SYNRG: variants seen among roughly 807,000 people sequenced by gnomAD.
SYNRG encodes AP1 gamma subunit binding protein 1.
Under a neutral mutation model 130.9 loss-of-function variants are expected in SYNRG, and 37 were observed. The ratio of observed to expected loss-of-function variants is 0.28; its 90% CI spans 0.22 to 0.37. The LOEUF (loss-of-function observed/expected upper bound fraction) is 0.37. SYNRG is among the 10% of genes least tolerant of loss of function. SYNRG has a pLI of 1.00. For synonymous variants in SYNRG, 539 were observed against 568.1 expected (o/e 0.95, Z 0.73); for missense variants, 1,338 against 1,588.9 (o/e 0.84, Z 2.68).
intron 13 of SYNRG, among the ~76,000 whole-genome samples, chr17:37,554,296 T>G (rs749962127): frequency 6.6e-6 from 1 of 152,186 alleles, no homozygotes; most frequent in African/African-American, 2.4e-5. Flanking sequence ...CCATTTTCAT[T>G]TGCTCATGCT....
intron 3 of SYNRG, among the ~76,000 whole-genome samples, chr17:37,587,259 G>A (rs557465387): frequency 1.4e-4 from 22 of 152,214 alleles, no homozygotes; most frequent in Admixed American, 7.2e-4. Context: ...AGATCCTCCC[G>A]CCTCAGCCCC....
intron 6 of SYNRG, among the ~76,000 whole-genome samples, chr17:37,581,160 T>C (rs949284129): frequency 3.3e-5 from 5 of 152,218 alleles, no homozygotes. Flanking sequence ...CTTTTTATTG[T>C]TAAATGTAAA....
At chr17:37,561,865 T>C (rs2059559492) in intron 11 of SYNRG, among the ~76,000 whole-genome samples, 1 of 151,522 alleles carries the variant, frequency 6.6e-6, no homozygotes, top group Non-Finnish European at 1.5e-5. Flanking sequence ...TGTCTAACCA[T>C]CTCTTTAAGC....
At position 37,516,148 on chromosome 17, in the gene SYNRG, G is replaced by C. The variant is rs761215947; in HGVS notation, c.*2792C>G. On this transcript the variant is annotated 3_prime_UTR_variant, in exon 22 of 22. Coordinates refer to ENST00000612223, the MANE Select transcript of SYNRG (RefSeq NM_007247.6). Reference sequence around the variant, plus strand: ...TTATTAATGGCCATTCAAGCAGTGGGGTGAAGCGGGCTGACACAATGCACA... The same window carrying C: ...TTATTAATGGCCATTCAAGCAGTGGCGTGAAGCGGGCTGACACAATGCACA... 1 of 152,188 alleles carries C rather than the reference G, an allele frequency of 6.6e-6. No individual in the cohort carries two copies. Among genetic ancestry groups the C allele is most frequent in the Non-Finnish European group, 1.5e-5 (1 of 68,044 alleles). 9.4% of individuals were successfully genotyped at this position (152,188 alleles called of 1,614,324 possible). A position where few individuals can be genotyped will look rare whatever the true frequency, so the allele number is the denominator to read the frequency against.
chr17:37,539,046 A>G (rs990528031), intron 17 of SYNRG, 146 bp downstream of exon 17: 5 of 1,455,614 alleles, frequency 3.4e-6, no homozygotes, highest in Non-Finnish European at 4.5e-6. Flanking sequence ...CCTTAGATGC[A>G]TGACTTCCAC....
chr17:37,525,204 C>T (rs2055684008), intron 19 of SYNRG, among the ~76,000 whole-genome samples: 2 of 152,158 alleles, frequency 1.3e-5, no homozygotes, highest in Admixed American at 1.3e-4. Flanking sequence ...GGTATGCCCT[C>T]TACAAGTCAC....
chr17:37,571,997 G>GA lies in SYNRG; in HGVS notation c.902-11dup. 1 of 1,600,916 alleles carries GA rather than the reference G, an allele frequency of 6.2e-7. No homozygotes were observed. The highest frequency in any genetic ancestry group is 2.2e-5 in the East Asian group (1 of 44,800). Reference sequence around the variant, plus strand: ...ATTTTCTTATAGGCATCTATTAAAGGAAAGACCAGATTACAAATGGAAACA... The same window carrying GA: ...ATTTTCTTATAGGCATCTATTAAAGGAAAAGACCAGATTACAAATGGAAACA... On this transcript the variant is annotated splice_polypyrimidine_tract_variant and intron_variant, in intron 8 of 21. Transcript: ENST00000612223.
At chr17:37,535,844 C>G in intron 19 of SYNRG, 135 bp downstream of exon 19, 1 of 1,198,964 alleles carries the variant, frequency 8.3e-7, no homozygotes, top group African/African-American at 1.5e-5. Context: ...CACCTGTGAT[C>G]TCCCTCCTTT....
intron 3 of SYNRG, among the ~76,000 whole-genome samples, chr17:37,593,997 T>G (rs936138312): frequency 6.6e-6 from 1 of 151,978 alleles, no homozygotes; most frequent in African/African-American, 2.4e-5. Context: ...TACACAAGCT[T>G]CTGATATTCA....
At chr17:37,575,339 C>G (rs906649107) in intron 8 of SYNRG, among the ~76,000 whole-genome samples, 4 of 151,962 alleles carry the variant, frequency 2.6e-5, no homozygotes, top group Non-Finnish European at 4.4e-5. Flanking sequence ...GTAATACATG[C>G]TTGAGGTAAT....
Position 37,561,603 on chromosome 17 carries a change from T to C in SYNRG, c.1482-14A>G, listed in dbSNP as rs761495426. 2.9e-5 allele frequency: 46 copies of C among 1,588,906 alleles called. No individual in the cohort carries two copies. The highest frequency in any genetic ancestry group is 3.9e-5 in the Non-Finnish European group (45 of 1,157,640). ...AAAGAAGGGGCACTGAAGGAAAAAA[T>C]AAACATATTTTGATGACATTGAATC... On this transcript the variant is annotated splice_polypyrimidine_tract_variant and intron_variant, in intron 11 of 21. Coordinates refer to ENST00000612223, the MANE Select transcript of SYNRG (RefSeq NM_007247.6).
At position 37,609,396 on chromosome 17, in the gene SYNRG, A is replaced by C. The variant is rs904894406; in HGVS notation, c.-41T>G. ...CCGCTGCCTTCGCCGCCGCCACCTT[A>C]TCAGCAGCTGTCAGCTGAACACAGC... On this transcript the variant is annotated 5_prime_UTR_variant, in exon 1 of 22. Transcript: ENST00000612223. 2.9e-6 allele frequency: 4 copies of C among 1,390,792 alleles called. No individual in the cohort carries two copies. Among genetic ancestry groups the C allele is most frequent in the Admixed American group, 3.5e-5 (1 of 28,842 alleles). The allele number at this position is 1,390,792 out of a possible 1,614,324, so 86.2% of individuals were successfully genotyped here.
chr17:37,596,390 A>AT lies in SYNRG; in HGVS notation c.119-47dup, dbSNP rs758277348. On this transcript the variant is annotated intron_variant, in intron 2 of 21. Transcript: ENST00000612223. ...TTAAAGTCAATGTGTTTTAAAGTTT[A>AT]TTTTCTTAAAACCATAAGTACCTAA... is the stretch of plus-strand genomic sequence containing the variant. 1.1e-5 allele frequency: 17 copies of AT among 1,603,918 alleles called. No homozygotes were observed. The South Asian group carries it at 1.3e-4, about 13-fold the overall frequency.
chr17:37,529,453 TTA>T (rs2144251097), intron 19 of SYNRG, among the ~76,000 whole-genome samples: 1 of 150,984 alleles, frequency 6.6e-6, no homozygotes. Flanking sequence ...GAGGCATGGG[TTA>T]TATGAGGGTA....
At chr17:37,579,698 T>C (rs757093350) in intron 6 of SYNRG, among the ~76,000 whole-genome samples, 2 of 152,142 alleles carry the variant, frequency 1.3e-5, no homozygotes, top group Non-Finnish European at 2.9e-5. Flanking sequence ...AAACTAAAAA[T>C]ACATGTATCT....
Position 37,518,955 on chromosome 17 carries a change from C to T in SYNRG, c.3930G>A (p.Leu1310=). ...CVEPKPPGLV[L]PDLL is the part of the protein sequence containing the mutation. ...GAGGAGTTGTTCAGAGCAGGTCAGG[C>T]AGGACGAGGCCAGGAGGCTTTGGTT... The change falls in exon 22 of 22, where the codon CTG becomes CTA. Residue 1310 remains leucine, a synonymous_variant. Coordinates refer to ENST00000612223, the MANE Select transcript of SYNRG (RefSeq NM_007247.6). 6.2e-7 allele frequency: 1 copy of T among 1,613,972 alleles called. No homozygotes were observed. The highest frequency in any genetic ancestry group is 8.5e-7 in the Non-Finnish European group (1 of 1,179,950).
In SYNRG at chr17:37,577,645, A is replaced by G. The variant is rs764536698; in HGVS notation, c.590-32T>C. 110 of 1,505,950 alleles carry G rather than the reference A, an allele frequency of 7.3e-5. 1 individual carries two copies. The highest frequency in any genetic ancestry group is 2.3e-5 in the East Asian group (1 of 44,384). 93.3% of individuals were successfully genotyped at this position (1,505,950 alleles called of 1,614,324 possible). A position where few individuals can be genotyped will look rare whatever the true frequency, so the allele number is the denominator to read the frequency against. On this transcript the variant is annotated intron_variant, in intron 6 of 21. Transcript: ENST00000612223. ...AAAGAGCATGAAGGATTATTTGTATATAACTGTATATGTCTAATCTTTTTA... is the reference window on the plus strand; with the variant it reads ...AAAGAGCATGAAGGATTATTTGTATGTAACTGTATATGTCTAATCTTTTTA...
chr17:37,539,820 A>C (rs1276563820), intron 16 of SYNRG, among the ~76,000 whole-genome samples: 1 of 152,206 alleles, frequency 6.6e-6, no homozygotes, highest in Non-Finnish European at 1.5e-5. Flanking sequence ...TAACAGTGTA[A>C]GCCTTTCTTC....
chr17:37,592,017 T>C (rs977156672), intron 3 of SYNRG, among the ~76,000 whole-genome samples: 11 of 152,058 alleles, frequency 7.2e-5, no homozygotes, highest in Admixed American at 2.0e-4. Context: ...AAAGACAAGC[T>C]AAAGACAAGA....
Sources: gnomAD v4.1 joint callset for allele counts (sites outside exome capture counted in the v4.1 genomes callset) on GRCh38, gnomAD v4.1.1 for gene constraint, MANE v1.5 for transcripts, NCBI Gene and HGNC (gene_info 2026-07-23, HGNC 2026-07-21) for gene names.